CSMD1: variants seen among roughly 807,000 people sequenced by gnomAD.
The protein encoded by CSMD1 is CUB and sushi domain-containing protein 1.
A neutral mutation model predicts 417.5 loss-of-function variants in CSMD1; 213 were observed. The observed-to-expected ratio is 0.51, with a 90% confidence interval of 0.46 to 0.57. The LOEUF is 0.57. Ranked by LOEUF, CSMD1 falls within the 20% of genes least tolerant of loss-of-function variation. The pLI, the probability that CSMD1 is intolerant of heterozygous loss-of-function variation, is 0.00. For synonymous variants in CSMD1, 2,862 were observed against 1,736.8 expected (o/e 1.65, Z -16.11); for missense variants, 6,923 against 4,529.7 (o/e 1.53, Z -15.17).
chr8:4,913,103 TA>T (rs570560125), intron 1 of CSMD1, among the ~76,000 whole-genome samples: 7 of 152,060 alleles, frequency 4.6e-5, no homozygotes, highest in Middle Eastern at 3.4e-3. Flanking sequence ...CCAGCTGCTT[TA>T]AAAAAAATCG....
chr8:3,999,212 A>C (rs1369174030), intron 4 of CSMD1, among the ~76,000 whole-genome samples: 1 of 151,702 alleles, frequency 6.6e-6, no homozygotes, highest in Non-Finnish European at 1.5e-5. Flanking sequence ...TATATTTAAC[A>C]GTCATTAATT....
chr8:4,095,345 A>G (rs771102153), intron 3 of CSMD1, among the ~76,000 whole-genome samples: 1 of 152,198 alleles, frequency 6.6e-6, no homozygotes, highest in Non-Finnish European at 1.5e-5. Context: ...AGCTTCCTGC[A>G]TTGCCTGGTT....
At chr8:3,860,435 C>A (rs988971745) in intron 5 of CSMD1, among the ~76,000 whole-genome samples, 2 of 151,842 alleles carry the variant, frequency 1.3e-5, no homozygotes, top group African/African-American at 4.8e-5. Flanking sequence ...AACAATAAAA[C>A]TTTTTTTTCC....
intron 10 of CSMD1, among the ~76,000 whole-genome samples, chr8:3,535,359 G>C (rs1356793602): frequency 6.6e-6 from 1 of 152,142 alleles, no homozygotes; most frequent in Admixed American, 6.6e-5. Flanking sequence ...AAGAACCTGA[G>C]TCCAGAGGAC....
At chr8:3,385,343 G>A (rs937977659) in intron 18 of CSMD1, among the ~76,000 whole-genome samples, 1 of 74,612 alleles carries the variant, frequency 1.3e-5, no homozygotes, top group African/African-American at 6.4e-5. Context: ...ATTTTTTTGT[G>A]TTTTTGTGTT....
intron 26 of CSMD1, among the ~76,000 whole-genome samples, chr8:3,271,018 G>A (rs186741693): frequency 5.9e-4 from 89 of 151,650 alleles, no homozygotes; most frequent in East Asian, 1.6e-3. Flanking sequence ...ATGCTGGTGC[G>A]CTGCACCCAC....
chr8:3,200,562 AAAAAAT>A (rs1796940792), intron 32 of CSMD1, among the ~76,000 whole-genome samples: 1 of 138,506 alleles, frequency 7.2e-6, no homozygotes, highest in African/African-American at 2.6e-5. Flanking sequence ...TTGTCTCAAA[AAAAAAT>A]AATAATAATA....
At chr8:4,683,780 T>C (rs1160398193) in intron 1 of CSMD1, among the ~76,000 whole-genome samples, 1 of 152,178 alleles carries the variant, frequency 6.6e-6, no homozygotes, top group African/African-American at 2.4e-5. Context: ...GAAACTTTTC[T>C]AGGCACTAAG....
intron 2 of CSMD1, among the ~76,000 whole-genome samples, chr8:4,486,319 G>C (rs1446005921): frequency 1.4e-5 from 2 of 146,232 alleles, no homozygotes; most frequent in East Asian, 2.0e-4. Flanking sequence ...TATCCCCCTA[G>C]CTACAAATAA....
At chr8:4,002,069 G>C (rs1815723053) in intron 4 of CSMD1, among the ~76,000 whole-genome samples, 1 of 152,152 alleles carries the variant, frequency 6.6e-6, no homozygotes, top group African/African-American at 2.4e-5. Context: ...AGATTATTAA[G>C]ATAGTCTGAT....
intron 8 of CSMD1, among the ~76,000 whole-genome samples, chr8:3,606,242 T>C (rs967399224): frequency 2.0e-5 from 3 of 152,036 alleles, no homozygotes; most frequent in Non-Finnish European, 4.4e-5. Flanking sequence ...GTGTGAGAAA[T>C]GCATTGTTAG....
At chr8:3,653,018 A>G (rs993703071) in intron 7 of CSMD1, among the ~76,000 whole-genome samples, 11 of 152,216 alleles carry the variant, frequency 7.2e-5, no homozygotes, top group Non-Finnish European at 2.9e-5. Flanking sequence ...AAATTATACT[A>G]GAAGCCAATA....
intron 50 of CSMD1, among the ~76,000 whole-genome samples, chr8:3,051,764 G>A (rs1001998633): frequency 6.6e-6 from 1 of 152,086 alleles, no homozygotes; most frequent in Admixed American, 6.6e-5. Context: ...TCCAATTTGA[G>A]TCTAGTTTTA....
chr8:3,311,061 A>C (rs754063677), intron 23 of CSMD1, among the ~76,000 whole-genome samples: 4 of 151,482 alleles, frequency 2.6e-5, no homozygotes, highest in Non-Finnish European at 4.4e-5. Flanking sequence ...TAAGAGTGGG[A>C]AATACCTTAA....
At chr8:4,162,190 C>T (rs1470571057) in intron 3 of CSMD1, among the ~76,000 whole-genome samples, 5 of 152,134 alleles carry the variant, frequency 3.3e-5, no homozygotes, top group African/African-American at 9.7e-5. Context: ...ACTTTTCTTT[C>T]CAAAATTATA....
chr8:3,175,588 T>TCCTC lies in CSMD1; in HGVS notation c.5725+5518_5725+5521dup, dbSNP rs538696105. 1.7e-4 allele frequency among the ~76,000 whole-genome samples: 24 copies of TCCTC among 143,876 alleles called. No homozygotes were observed. The East Asian group carries it at 4.3e-3, about 26-fold the overall frequency. The allele number at this position is 143,876 out of a possible 152,430, so 94.4% of individuals were successfully genotyped here. ...GCCTTCCTTCCTTCCTTCCTTTTTG[T>TCCTC]CCTCCCTCCCTCCCTCCCTTCCTGA... On this transcript the variant is annotated intron_variant, in intron 37 of 69. Transcript: ENST00000635120.
intron 1 of CSMD1, among the ~76,000 whole-genome samples, chr8:4,681,914 G>A (rs535037258): frequency 7.9e-5 from 12 of 152,228 alleles, no homozygotes; most frequent in Admixed American, 2.0e-4. Flanking sequence ...GCCCTACCTC[G>A]TGCTTGGTCA....
intron 2 of CSMD1, among the ~76,000 whole-genome samples, chr8:4,431,331 T>C (rs751305927): frequency 1.2e-4 from 18 of 152,178 alleles, no homozygotes; most frequent in African/African-American, 1.7e-4. Context: ...TTCTTAAGGG[T>C]GAACCTAACG....
At chr8:4,752,270 A>G (rs1811379053) in intron 1 of CSMD1, among the ~76,000 whole-genome samples, 1 of 152,178 alleles carries the variant, frequency 6.6e-6, no homozygotes, top group African/African-American at 2.4e-5. Context: ...TTGACAATAC[A>G]ATTTCATTTA....
Sources: gnomAD v4.1 joint callset for allele counts (sites outside exome capture counted in the v4.1 genomes callset) on GRCh38, gnomAD v4.1.1 for gene constraint, MANE v1.5 for transcripts, NCBI Gene and HGNC (gene_info 2026-07-23, HGNC 2026-07-21) for gene names.